The following PLXNA4 variants were observed in gnomAD, a reference collection of about 807,000 sequenced individuals.
PLXNA4 encodes the protein plexin A4.
A neutral mutation model predicts 191.8 loss-of-function variants in PLXNA4; 44 were observed. The observed-to-expected ratio is 0.23, with a 90% CI of 0.18 to 0.29. PLXNA4 has a LOEUF of 0.29. Among genes scored for constraint, PLXNA4 ranks in the 10% least tolerant of loss-of-function variants. The probability of loss-of-function intolerance (pLI) is 1.00; values close to 1 mark genes in which losing one functional copy is unlikely to be tolerated. For synonymous variants in PLXNA4, 1,082 were observed against 1,009.5 expected, an observed-to-expected ratio of 1.07 and a Z score of -1.36; for missense variants, 1,800 against 2,488.8, an observed-to-expected ratio of 0.72 and a Z score of 5.89.
At chr7:132,335,479 G>T (rs1311559050) in intron 3 of PLXNA4, among the ~76,000 whole-genome samples, 2 of 152,142 alleles carry the variant, frequency 1.3e-5, no homozygotes, top group African/African-American at 4.8e-5. Flanking sequence ...CAATGAGTTA[G>T]CCTTGTTTGC....
chr7:132,600,505 C>T (rs7790629), intron 2 of PLXNA4, among the ~76,000 whole-genome samples: 2 of 152,010 alleles, frequency 1.3e-5, no homozygotes, highest in Non-Finnish European at 2.9e-5. Flanking sequence ...TAGGAACACA[C>T]GTGTGTGCCA....
chr7:132,306,334 C>T (rs982142087), intron 3 of PLXNA4, among the ~76,000 whole-genome samples: 2 of 152,182 alleles, frequency 1.3e-5, no homozygotes, highest in Non-Finnish European at 2.9e-5. Flanking sequence ...CCAGGTTTGG[C>T]TCCTCTCAGA....
At chr7:132,519,814 T>G (rs1332001390) in intron 1 of PLXNA4, among the ~76,000 whole-genome samples, 3 of 152,232 alleles carry the variant, frequency 2.0e-5, no homozygotes, top group African/African-American at 7.2e-5. Context: ...ACTATTGGCA[T>G]CAGGTCATTC....
intron 2 of PLXNA4, among the ~76,000 whole-genome samples, chr7:132,501,323 G>C (rs751479008): frequency 1.3e-5 from 2 of 152,164 alleles, no homozygotes; most frequent in Non-Finnish European, 2.9e-5. Context: ...ACATGGGTGT[G>C]CTATGGGTGT....
At chr7:132,626,605 G>T (rs952523821) in intron 2 of PLXNA4, among the ~76,000 whole-genome samples, 1 of 152,292 alleles carries the variant, frequency 6.6e-6, no homozygotes, top group Admixed American at 6.5e-5. Flanking sequence ...CATGTAATGT[G>T]CCTGCTTCCA....
chr7:132,625,436 T>C (rs1803351475), intron 2 of PLXNA4, among the ~76,000 whole-genome samples: 1 of 152,212 alleles, frequency 6.6e-6, no homozygotes, highest in South Asian at 2.1e-4. Context: ...CTGCAATATT[T>C]CAAGGGGATA....
chr7:132,639,354 C>T (rs1563201356), intron 2 of PLXNA4, among the ~76,000 whole-genome samples: 2 of 152,304 alleles, frequency 1.3e-5, no homozygotes, highest in East Asian at 3.9e-4. Flanking sequence ...GCTCTTGCGT[C>T]CTCTGTTTCT....
In PLXNA4 at chr7:132,203,583, T is replaced by A. The variant is rs545791362; in HGVS notation, c.2299-164A>T. On this transcript the variant is annotated intron_variant, in intron 10 of 31. Transcript: ENST00000321063. ...ACCTGTGTGCATACAAGTATGCACA[T>A]GCACATGTGTGTACAGGCAGGGAAG... Among the ~76,000 whole-genome samples the A allele has an allele frequency of 1.6e-3, 244 of 152,342 alleles. 1 individual carries two copies. Among genetic ancestry groups the A allele is most frequent in the African/African-American group, 5.7e-3 (235 of 41,582 alleles).
intron 4 of PLXNA4, among the ~76,000 whole-genome samples, chr7:132,245,248 G>A (rs562921153): frequency 2.0e-5 from 3 of 152,292 alleles, no homozygotes; most frequent in East Asian, 3.9e-4. Context: ...AGATGGTGAC[G>A]TGACCTAAGC....
In PLXNA4 at chr7:132,332,849, G is replaced by C. The variant is rs1802647643; in HGVS notation, c.1372-34627C>G. On this transcript the variant is annotated intron_variant, in intron 3 of 31. Coordinates refer to ENST00000321063, the MANE Select transcript of PLXNA4 (RefSeq NM_020911.2). ...TACTCCAACATGGGTGACAGAGTAA[G>C]CCCCTGTCTCAAAAAAAGAAAAAAA... 2.8e-5 allele frequency among the ~76,000 whole-genome samples: 4 copies of C among 144,786 alleles called. No homozygotes were observed. The South Asian group carries it at 8.8e-4, about 32-fold the overall frequency. 95.0% of individuals were successfully genotyped at this position (144,786 alleles called of 152,430 possible). A position where few individuals can be genotyped will look rare whatever the true frequency, so the allele number is the denominator to read the frequency against.
intron 3 of PLXNA4, among the ~76,000 whole-genome samples, chr7:132,401,514 T>C (rs1287614471): frequency 1.3e-5 from 2 of 152,208 alleles, no homozygotes; most frequent in African/African-American, 4.8e-5. Context: ...AAAAGCTTCA[T>C]GAATACTTGT....
In PLXNA4 at chr7:132,179,872, G is replaced by T. The variant is rs201499248; in HGVS notation, c.3689C>A (p.Pro1230Gln). ...EYSPGMVYIAPDSPLSLPAIV... is the reference protein window; with the variant it reads ...EYSPGMVYIAQDSPLSLPAIV... Reference sequence around the variant, plus strand: ...GGCGGGCAGGCTGAGCGGGCTGTCCGGGGCAATGTACACCATCCCCGGGGA... The same window carrying T: ...GGCGGGCAGGCTGAGCGGGCTGTCCTGGGCAATGTACACCATCCCCGGGGA... The change falls in exon 20 of 32, where the codon CCG becomes CAG. Residue 1230 changes from proline (P) to glutamine (Q), a missense_variant. By Grantham distance (76) the Pro-to-Gln change is moderately conservative. This residue lies in a region of PLXNA4 where 1,397 missense variants were observed against 1,880.4 expected (regional missense o/e 0.74). Transcript: ENST00000321063. 255 of 1,612,930 alleles carry T rather than the reference G, an allele frequency of 1.6e-4. 1 individual carries two copies. The highest frequency in any genetic ancestry group is 2.1e-4 in the Non-Finnish European group (245 of 1,179,940).
At chr7:132,617,634 C>G (rs566345212) in intron 2 of PLXNA4, among the ~76,000 whole-genome samples, 1 of 152,250 alleles carries the variant, frequency 6.6e-6, no homozygotes, top group Non-Finnish European at 1.5e-5. Flanking sequence ...CTGAGGCTTC[C>G]TCCCATGAAA....
chr7:132,413,150 A>C (rs1258049478), intron 3 of PLXNA4, among the ~76,000 whole-genome samples: 2 of 152,184 alleles, frequency 1.3e-5, no homozygotes, highest in Non-Finnish European at 2.9e-5. Context: ...AGTGTTACAC[A>C]GAGGTAAACT....
At chr7:132,597,632 T>C (rs967900145) in intron 2 of PLXNA4, among the ~76,000 whole-genome samples, 3 of 152,116 alleles carry the variant, frequency 2.0e-5, no homozygotes, top group African/African-American at 7.2e-5. Context: ...TTCCCTTTAT[T>C]TCCCTTTCCC....
intron 4 of PLXNA4, among the ~76,000 whole-genome samples, chr7:132,297,044 C>T (rs1801112215): frequency 6.6e-6 from 1 of 152,098 alleles, no homozygotes; most frequent in Non-Finnish European, 1.5e-5. Flanking sequence ...GCATAATGCA[C>T]AAGCCCCGTG....
chr7:132,329,833 T>C (rs1802520323), intron 3 of PLXNA4, among the ~76,000 whole-genome samples: 1 of 152,180 alleles, frequency 6.6e-6, no homozygotes, highest in Non-Finnish European at 1.5e-5. Context: ...CTTTATCTGG[T>C]GACCTAGGCC....
intron 2 of PLXNA4, among the ~76,000 whole-genome samples, chr7:132,495,387 G>A (rs1797972865): frequency 6.6e-6 from 1 of 152,136 alleles, no homozygotes; most frequent in South Asian, 2.1e-4. Context: ...CATAGCCACA[G>A]GCTGCCCTCT....
At position 132,182,114 on chromosome 7, in the gene PLXNA4, C is replaced by T. The variant is rs371488243; in HGVS notation, c.3235G>A (p.Gly1079Arg). ...QNPQIRAKHGGKEHINICEVL... is the reference protein window; with the variant it reads ...QNPQIRAKHGRKEHINICEVL... ...ACACTCACATTGATGTGCTCCTTCC[C>T]TCCATGCTTGGCACGGATCTGGGGG... The change falls in exon 17 of 32, where the codon GGG (glycine) becomes AGG (arginine). Residue 1079 changes from glycine (G) to arginine (R), a missense_variant. By Grantham distance (125) the Gly-to-Arg change is moderately radical (BLOSUM62 -2). Transcript: ENST00000321063. The T allele has an allele frequency of 6.2e-7, 1 of 1,614,072 alleles. No homozygotes were observed. Among genetic ancestry groups the T allele is most frequent in the African/African-American group, 1.3e-5 (1 of 74,930 alleles).
Sources: gnomAD v4.1 joint callset for allele counts (sites outside exome capture counted in the v4.1 genomes callset) on GRCh38, gnomAD v4.1.1 for gene constraint, gnomAD v4.1.1 regional missense constraint, MANE v1.5 for transcripts, NCBI Gene and HGNC (gene_info 2026-07-23, HGNC 2026-07-21) for gene names.